The following PRUNE1 variants were observed in gnomAD, a reference collection of about 807,000 sequenced individuals.
The protein encoded by PRUNE1 is exopolyphosphatase PRUNE1.
In PRUNE1, 25 loss-of-function variants were observed where a neutral mutation model predicts 42.5. The observed-to-expected ratio is 0.59, with a 90% confidence interval of 0.43 to 0.82. The LOEUF is 0.82. PRUNE1 is among the 40% of genes least tolerant of loss of function. PRUNE1 has a pLI of 0.00. For missense variants in PRUNE1, 443 were observed against 539.3 expected (o/e 0.82, Z 1.77); for synonymous variants, 203 against 217.1 (o/e 0.93, Z 0.57).
intron 3 of PRUNE1, among the ~76,000 whole-genome samples, chr1:151,023,571 A>G (rs1674616956): frequency 6.6e-6 from 1 of 151,712 alleles, no homozygotes; most frequent in Non-Finnish European, 1.5e-5. Context: ...TACAAAAATT[A>G]GCTGGGCCTG....
At position 151,027,287 on chromosome 1, in the gene PRUNE1, G is replaced by T. The variant is rs770109427; in HGVS notation, c.734G>T (p.Gly245Val). The T allele has an allele frequency of 6.2e-7, 1 of 1,611,760 alleles. No individual in the cohort carries two copies. The highest frequency in any genetic ancestry group is 8.5e-7 in the Non-Finnish European group (1 of 1,177,968). ...GACCAGAAGACTATCTATAGACAAG[G>T]CGTCAAGGTGGCCATTAGTGCAATA... ...RKDQKTIYRQGVKVAISAIYM... is the reference protein window; with the variant it reads ...RKDQKTIYRQVVKVAISAIYM... The change falls in exon 6 of 8, where the codon GGC (glycine) becomes GTC (valine). Residue 245 changes from glycine (G) to valine (V), a missense_variant. Physicochemically the swap from Gly to Val is moderately radical, Grantham distance 109 (BLOSUM62 -3). Transcript: ENST00000271620.
In PRUNE1 at chr1:151,018,545, T is replaced by C. The variant is rs778881118; in HGVS notation, c.211T>C (p.Phe71Leu). The change falls in exon 3 of 8, where the codon TTC (phenylalanine) becomes CTC (leucine). Residue 71 changes from phenylalanine to leucine, a missense_variant. Phe to Leu is a conservative substitution (Grantham distance 22). Coordinates refer to ENST00000271620, the MANE Select transcript of PRUNE1 (RefSeq NM_021222.3). ...SELPLRGDIV[F>L]FLQKVHIPES... is the part of the protein sequence containing the mutation. ...ACTACCTCTGCGAGGTGACATTGTC[T>C]TCTTTCTTCAGAAGGTTCATATTCC... 6.8e-6 allele frequency: 11 copies of C among 1,613,924 alleles called. No homozygotes were observed. The Middle Eastern group carries it at 4.9e-4, about 72-fold the overall frequency.
chr1:151,028,084 T>C (rs11811879), intron 6 of PRUNE1, among the ~76,000 whole-genome samples: 10,151 of 152,002 alleles, frequency 0.067, 1,151 homozygotes, highest in African/African-American at 0.23. Context: ...TTAAGCTCAT[T>C]CCCAGCTGAG....
chr1:151,022,788 C>T (rs781544265), intron 3 of PRUNE1: 10 of 152,032 alleles, frequency 6.6e-5, no homozygotes, highest in Non-Finnish European at 1.3e-4. Flanking sequence ...CATCCTTGCT[C>T]AGCGGCCATG....
intron 1 of PRUNE1, among the ~76,000 whole-genome samples, chr1:151,013,790 C>T (rs1273912003): frequency 6.6e-6 from 1 of 152,140 alleles, no homozygotes; most frequent in Non-Finnish European, 1.5e-5. Flanking sequence ...TTTGCTGTCA[C>T]TTTGGTCCAC....
intron 1 of PRUNE1, among the ~76,000 whole-genome samples, chr1:151,013,481 A>C (rs1673908445): frequency 6.6e-6 from 1 of 152,124 alleles, no homozygotes; most frequent in South Asian, 2.1e-4. Flanking sequence ...TTTGGTCCCT[A>C]CTTTGTGCTT....
At chr1:151,022,627 GC>G (rs1189649209) in intron 3 of PRUNE1, 1 of 151,636 alleles carries the variant, frequency 6.6e-6, no homozygotes, top group African/African-American at 2.4e-5. Flanking sequence ...CACCGTGTTA[GC>G]CAGGATGGTC....
chr1:151,023,705 G>A (rs1482113762), intron 3 of PRUNE1, among the ~76,000 whole-genome samples: 2 of 148,172 alleles, frequency 1.3e-5, no homozygotes, highest in African/African-American at 2.5e-5. Context: ...GCGACACAGC[G>A]AGATTCCGTC....
chr1:151,017,135 T>C (rs942638223), intron 1 of PRUNE1, among the ~76,000 whole-genome samples: 2 of 151,304 alleles, frequency 1.3e-5, no homozygotes, highest in African/African-American at 4.9e-5. Context: ...TTACCTATTA[T>C]GAAAATGGGA....
chr1:151,022,569 C>T (rs1158794034), intron 3 of PRUNE1, among the ~76,000 whole-genome samples: 3 of 151,500 alleles, frequency 2.0e-5, no homozygotes, highest in Admixed American at 6.6e-5. Context: ...CAGGTGTGCC[C>T]GCCACCACAC....
Position 151,034,063 on chromosome 1 carries a change from C to G in PRUNE1, c.1191C>G (p.Gly397=), listed in dbSNP as rs3738476. 682 of 1,614,084 alleles carry G rather than the reference C, an allele frequency of 4.2e-4. 11 individuals are homozygous for G. The East Asian group carries it at 0.015, about 35-fold the overall frequency. Residue 397 remains glycine, a synonymous_variant, in exon 8 of 8, where the codon GGC becomes GGG. Transcript: ENST00000271620. Reference sequence around the variant, plus strand: ...GGGCAAGTAACTCCCTGATTTCTGGCCTGAGTCAAGATGAGGAGGACCCTC... The same window carrying G: ...GGGCAAGTAACTCCCTGATTTCTGGGCTGAGTCAAGATGAGGAGGACCCTC... The part of the protein sequence containing the change: ...LDRASNSLIS[G]LSQDEEDPPL...
intron 3 of PRUNE1, among the ~76,000 whole-genome samples, chr1:151,024,181 C>T (rs1266962746): frequency 3.5e-5 from 4 of 112,744 alleles, no homozygotes; most frequent in Non-Finnish European, 7.5e-5. Flanking sequence ...AGTGAGACTC[C>T]GTCTCAAAAA....
intron 7 of PRUNE1, 27 bp downstream of exon 7, chr1:151,028,971 A>G (rs773994111): frequency 6.3e-7 from 1 of 1,593,814 alleles, no homozygotes. Context: ...TCTCCAACCT[A>G]AGAGCCTTAC....
At chr1:151,024,285 G>C (rs964325374) in intron 3 of PRUNE1, among the ~76,000 whole-genome samples, 1 of 151,916 alleles carries the variant, frequency 6.6e-6, no homozygotes, top group African/African-American at 2.4e-5. Flanking sequence ...CTGAGGTCAG[G>C]AGTTTGAGAC....
At chr1:151,018,745 A>G (rs11204758) in intron 3 of PRUNE1, 76 bp downstream of exon 3, 285,106 of 1,401,526 alleles carry the variant, frequency 0.2, 30,605 homozygotes, top group East Asian at 0.38. Flanking sequence ...AAAGAGAGGA[A>G]GAAAGAGTTT....
At chr1:151,010,684 T>TC (rs1673720050) in intron 1 of PRUNE1, among the ~76,000 whole-genome samples, 1 of 150,848 alleles carries the variant, frequency 6.6e-6, no homozygotes, top group African/African-American at 2.4e-5. Context: ...TTTTTTTTTT[T>TC]TTTTTTGAGA....
chr1:151,025,780 A>C, intron 5 of PRUNE1, 107 bp downstream of exon 5: 1 of 1,195,536 alleles, frequency 8.4e-7, no homozygotes, highest in South Asian at 1.6e-5. Context: ...TTGCTCTGCC[A>C]CCCAGGCTAG....
chr1:151,014,290 T>G (rs1251832122), intron 1 of PRUNE1, among the ~76,000 whole-genome samples: 1 of 152,158 alleles, frequency 6.6e-6, no homozygotes, highest in Non-Finnish European at 1.5e-5. Flanking sequence ...GCTTCCAAAC[T>G]CTTGAAGTAG....
intron 3 of PRUNE1, among the ~76,000 whole-genome samples, chr1:151,020,211 A>G (rs1414019751): frequency 7.1e-6 from 1 of 141,834 alleles, no homozygotes; most frequent in African/African-American, 2.6e-5. Context: ...CTGTCTGACC[A>G]CTATAGCGAG....
Sources: gnomAD v4.1 joint callset for allele counts (sites outside exome capture counted in the v4.1 genomes callset) on GRCh38, gnomAD v4.1.1 for gene constraint, MANE v1.5 for transcripts, NCBI Gene and HGNC (gene_info 2026-07-23, HGNC 2026-07-21) for gene names.